The following BACH2 variants were observed in gnomAD, a reference collection of about 807,000 sequenced individuals.
The protein encoded by BACH2 is transcription regulator protein BACH2.
A neutral mutation model predicts 61.8 loss-of-function variants in BACH2; 5 were observed. That is an observed-to-expected ratio of 0.08 (90% confidence interval 0.04 to 0.17). The LOEUF (loss-of-function observed/expected upper bound fraction) is 0.17. BACH2 is among the 10% of genes least tolerant of loss of function. The probability of loss-of-function intolerance (pLI) is 1.00; values close to 1 mark genes in which losing one functional copy is unlikely to be tolerated. For synonymous variants in BACH2, 446 were observed against 440.1 expected, an observed-to-expected ratio of 1.01 and a Z score of -0.17; for missense variants, 824 against 1,091.1, an observed-to-expected ratio of 0.76 and a Z score of 3.45.
chr6:90,036,812 C>T (rs1179277675), intron 5 of BACH2, among the ~76,000 whole-genome samples: 2 of 152,240 alleles, frequency 1.3e-5, no homozygotes, highest in Non-Finnish European at 1.5e-5. Context: ...TAAACCAAAT[C>T]TTATCAATCT....
chr6:90,163,686 C>T (rs1767490720), intron 4 of BACH2, among the ~76,000 whole-genome samples: 1 of 152,092 alleles, frequency 6.6e-6, no homozygotes, highest in Admixed American at 6.5e-5. Flanking sequence ...AAATTTTATC[C>T]ATTCAGGATA....
At chr6:90,038,982 G>A (rs570439237) in intron 5 of BACH2, among the ~76,000 whole-genome samples, 1 of 151,466 alleles carries the variant, frequency 6.6e-6, no homozygotes, top group Admixed American at 6.6e-5. Flanking sequence ...AGAGGTTGCA[G>A]TGAGCTGAGA....
intron 2 of BACH2, among the ~76,000 whole-genome samples, chr6:90,260,974 G>A (rs1771138162): frequency 6.6e-6 from 1 of 152,204 alleles, no homozygotes; most frequent in South Asian, 2.1e-4. Flanking sequence ...CCCCTATTGT[G>A]CTTGGTCATG....
chr6:90,249,700 G>T (rs1365071259), intron 3 of BACH2, among the ~76,000 whole-genome samples: 1 of 152,114 alleles, frequency 6.6e-6, no homozygotes, highest in East Asian at 1.9e-4. Context: ...TGAGCCCAGG[G>T]AGCTGCTGAG....
intron 2 of BACH2, among the ~76,000 whole-genome samples, chr6:90,258,318 C>A (rs1286196424): frequency 6.6e-6 from 1 of 152,110 alleles, no homozygotes; most frequent in Admixed American, 6.6e-5. Context: ...ATCAAAGAGA[C>A]TATTCTTTTC....
intron 3 of BACH2, among the ~76,000 whole-genome samples, chr6:90,250,406 A>T (rs12209779): frequency 0.051 from 7,770 of 152,316 alleles, 249 homozygotes; most frequent in Admixed American, 0.093. Context: ...TTCCATGTAT[A>T]CTTAAAATCA....
intron 1 of BACH2, among the ~76,000 whole-genome samples, chr6:90,285,927 C>G (rs1426355655): frequency 6.6e-6 from 1 of 152,234 alleles, no homozygotes; most frequent in African/African-American, 2.4e-5. Context: ...TGCAAATTAG[C>G]AAACGGGAAC....
chr6:90,008,788 G>GGATGA lies in BACH2; in HGVS notation c.56_57insTCATC (p.Cys20HisfsTer22). 6.2e-7 allele frequency: 1 copy of GGATGA among 1,614,206 alleles called. No individual in the cohort carries two copies. On this transcript the variant is annotated frameshift_variant, in exon 6 of 9. Coordinates refer to ENST00000257749, the MANE Select transcript of BACH2 (RefSeq NM_021813.4). LOFTEE classifies it high-confidence loss of function. This position sits in a 1 kb window ranked among gnomAD's most constrained non-coding sequence, Gnocchi z 4.1. The stretch of plus-strand genomic sequence containing the variant: ...TGAGGCCCAGGAGGATGTTGGTGCA[G>GGATGA]TGGACTGTGGACTCATACACATACA...
chr6:90,210,949 C>G (rs900184429), intron 3 of BACH2, among the ~76,000 whole-genome samples: 1 of 151,802 alleles, frequency 6.6e-6, no homozygotes, highest in Non-Finnish European at 1.5e-5. Context: ...CACTTGAAGT[C>G]AGGAGTACCA....
chr6:90,147,676 T>A (rs1301160157), intron 4 of BACH2, among the ~76,000 whole-genome samples: 4 of 152,150 alleles, frequency 2.6e-5, no homozygotes, highest in Admixed American at 2.6e-4. Flanking sequence ...GAAAAAAAAA[T>A]TGTGCTTGTC....
At chr6:90,286,398 G>C (rs1202375768) in intron 1 of BACH2, among the ~76,000 whole-genome samples, 1 of 152,076 alleles carries the variant, frequency 6.6e-6, no homozygotes, top group African/African-American at 2.4e-5. Context: ...GTTTTATACG[G>C]GACCTAAAAA....
At chr6:89,989,043 C>A (rs10223630) in intron 6 of BACH2, among the ~76,000 whole-genome samples, 1,867 of 152,278 alleles carry the variant, frequency 0.012, 46 homozygotes, top group African/African-American at 0.043. Context: ...AGTGGAAGGA[C>A]CTTCTCTTGA....
chr6:90,275,575 T>C (rs1163593324), intron 1 of BACH2, among the ~76,000 whole-genome samples: 1 of 152,148 alleles, frequency 6.6e-6, no homozygotes, highest in Non-Finnish European at 1.5e-5. Context: ...TGGGGGTTTG[T>C]CGTACAGATT....
chr6:89,968,841 T>C (rs1775190507), intron 6 of BACH2, among the ~76,000 whole-genome samples: 1 of 152,032 alleles, frequency 6.6e-6, no homozygotes, highest in Non-Finnish European at 1.5e-5. Context: ...TGAAATCCCA[T>C]CTCTACTAGA....
At chr6:90,246,207 A>G (rs1770632118) in intron 3 of BACH2, among the ~76,000 whole-genome samples, 2 of 152,174 alleles carry the variant, frequency 1.3e-5, no homozygotes. Flanking sequence ...TGCCTCTACT[A>G]CACTCCCTTG....
rs1376330883 is a variant in BACH2 at position 89,928,236 on chromosome 6, AT to A, written c.*4171del. 2.0e-5 allele frequency: 3 copies of A among 152,366 alleles called. No individual in the cohort carries two copies. The highest frequency in any genetic ancestry group is 6.5e-5 in the Admixed American group (1 of 15,284). The allele number at this position is 152,366 out of a possible 1,614,324, so 9.4% of individuals were successfully genotyped here. A position where few individuals can be genotyped will look rare whatever the true frequency, so the allele number is the denominator to read the frequency against. On this transcript the variant is annotated 3_prime_UTR_variant, in exon 9 of 9. Transcript: ENST00000257749. ...TGAGACTCCTCCTAAACTGTAAGCAATAGTGAAGCAGTTTGAAGTCATTTCT... is the reference window on the plus strand; with the variant it reads ...TGAGACTCCTCCTAAACTGTAAGCAAAGTGAAGCAGTTTGAAGTCATTTCT...
At chr6:90,162,470 T>C (rs764410410) in intron 4 of BACH2, among the ~76,000 whole-genome samples, 24 of 151,886 alleles carry the variant, frequency 1.6e-4, no homozygotes, top group Non-Finnish European at 2.8e-4. Context: ...GAGACCTTGC[T>C]GCTACAAAAA....
chr6:90,110,146 T>C (rs1783105790), intron 4 of BACH2, among the ~76,000 whole-genome samples: 1 of 152,212 alleles, frequency 6.6e-6, no homozygotes, highest in Admixed American at 6.5e-5. Context: ...GGTGTTTTGA[T>C]GGAAGGACAT....
intron 4 of BACH2, among the ~76,000 whole-genome samples, chr6:90,187,634 A>T (rs1768407511): frequency 6.6e-6 from 1 of 152,254 alleles, no homozygotes; most frequent in African/African-American, 2.4e-5. Context: ...TCAAACTCAT[A>T]AAAGCCAGGC....
Sources: gnomAD v4.1 joint callset for allele counts (sites outside exome capture counted in the v4.1 genomes callset) on GRCh38, gnomAD v4.1.1 for gene constraint, Gnocchi (gnomAD v3.1) non-coding constraint, MANE v1.5 for transcripts, NCBI Gene and HGNC (gene_info 2026-07-23, HGNC 2026-07-21) for gene names.